Variants in ARMH4 observed in about 807,000 individuals in gnomAD.
ARMH4 encodes the protein armadillo like helical domain containing 4.
Under a neutral mutation model 61.9 loss-of-function variants are expected in ARMH4, and 49 were observed. That is an observed-to-expected ratio of 0.79 (90% CI 0.63 to 1.00). The LOEUF is 1.00. Ranked by LOEUF, ARMH4 falls within the 50% of genes least tolerant of loss-of-function variation. The pLI, the probability that ARMH4 is intolerant of heterozygous loss-of-function variation, is 0.00. For missense variants in ARMH4, 934 were observed against 930.0 expected (o/e 1.00, Z -0.06); for synonymous variants, 368 against 341.5 (o/e 1.08, Z -0.85).
chr14:58,105,764 G>A (rs1301273487), intron 4 of ARMH4, among the ~76,000 whole-genome samples: 1 of 151,412 alleles, frequency 6.6e-6, no homozygotes, highest in Non-Finnish European at 1.5e-5. Context: ...CATGTCCTAT[G>A]TCAATAACCA....
chr14:58,027,610 A>G (rs1419773728), intron 5 of ARMH4, among the ~76,000 whole-genome samples: 1 of 151,488 alleles, frequency 6.6e-6, no homozygotes, highest in African/African-American at 2.4e-5. Context: ...ACTAATTAAC[A>G]TATCTATTAA....
chr14:58,067,220 AG>A (rs1347930528), intron 5 of ARMH4, among the ~76,000 whole-genome samples: 1 of 152,210 alleles, frequency 6.6e-6, no homozygotes, highest in African/African-American at 2.4e-5. Flanking sequence ...AGAAACAGAG[AG>A]GGTTATTTGT....
At chr14:58,077,382 T>C (rs1885081890) in intron 5 of ARMH4, among the ~76,000 whole-genome samples, 1 of 152,200 alleles carries the variant, frequency 6.6e-6, no homozygotes, top group Non-Finnish European at 1.5e-5. Flanking sequence ...GACAGGAGGA[T>C]GGCTTGAGCC....
intron 5 of ARMH4, among the ~76,000 whole-genome samples, chr14:58,095,841 C>T (rs1885730263): frequency 6.6e-6 from 1 of 152,158 alleles, no homozygotes; most frequent in Non-Finnish European, 1.5e-5. Context: ...TGACTCTTAA[C>T]CCTAACATCT....
chr14:58,097,075 A>G, intron 4 of ARMH4, 94 bp from the exon 5 acceptor site: 1 of 1,349,544 alleles, frequency 7.4e-7, no homozygotes, highest in Non-Finnish European at 1.0e-6. Flanking sequence ...ACTACAAAAT[A>G]ATTGTTTGGC....
At position 58,015,892 on chromosome 14, in the gene ARMH4, AAATAAAATTTAAATTTAAATTT is replaced by A. The variant is rs372192442; in HGVS notation, c.2090-3764_2090-3743del. On this transcript the variant is annotated intron_variant, in intron 5 of 7. Coordinates refer to ENST00000267485, the MANE Select transcript of ARMH4 (RefSeq NM_001001872.4). ...GAGACTCCTGCCTCTACAAAAAATA[AAATAAAATTTAAATTTAAATTT>A]AATAAAATTTAAAGATGATTATTTA... is the stretch of plus-strand genomic sequence containing the variant. Among the ~76,000 whole-genome samples the A allele has an allele frequency of 1.0e-3, 155 of 150,910 alleles. 1 individual carries two copies. The highest frequency in any genetic ancestry group is 2.8e-3 in the African/African-American group (116 of 41,054).
At chr14:58,091,627 T>C (rs1300511127) in intron 5 of ARMH4, among the ~76,000 whole-genome samples, 1 of 152,242 alleles carries the variant, frequency 6.6e-6, no homozygotes, top group African/African-American at 2.4e-5. Flanking sequence ...TCTTTGGTCA[T>C]ACTGATTTTT....
intron 5 of ARMH4, among the ~76,000 whole-genome samples, chr14:58,094,539 A>C (rs183678058): frequency 7.8e-4 from 119 of 152,324 alleles, no homozygotes; most frequent in African/African-American, 2.6e-3. Flanking sequence ...AATACTAGTC[A>C]GCTATATATA....
chr14:58,134,813 T>G (rs1236690536), intron 2 of ARMH4, among the ~76,000 whole-genome samples: 2 of 151,798 alleles, frequency 1.3e-5, no homozygotes, highest in Admixed American at 1.3e-4. Context: ...CAAAATTAGC[T>G]GGGCATAGTG....
intron 1 of ARMH4, among the ~76,000 whole-genome samples, chr14:58,151,004 T>G (rs895718017): frequency 3.3e-5 from 5 of 152,186 alleles, no homozygotes; most frequent in Non-Finnish European, 7.3e-5. Context: ...GGCATGTGAA[T>G]TCTGACCACT....
In ARMH4 at chr14:58,139,343, C is replaced by T. The variant is rs1246467360; in HGVS notation, c.16G>A (p.Val6Ile). The change falls in exon 2 of 8, where the codon GTA becomes ATA. Residue 6 changes from valine to isoleucine, a missense_variant. By Grantham distance (29) the Val-to-Ile change is conservative. Coordinates refer to ENST00000267485, the MANE Select transcript of ARMH4 (RefSeq NM_001001872.4). MRGPI[V>I]LHICLAFCSL... is the part of the protein sequence containing the mutation. The stretch of plus-strand genomic sequence containing the variant: ...CAGAAAGCCAGACAAATGTGCAATA[C>T]AATCGGTCCTCTCATAGTGGAAGAG... 5 of 1,614,044 alleles carry T rather than the reference C, an allele frequency of 3.1e-6. No homozygotes were observed. Among genetic ancestry groups the T allele is most frequent in the Non-Finnish European group, 1.7e-6 (2 of 1,180,034 alleles).
chr14:58,147,604 C>A (rs1887778347), intron 1 of ARMH4, among the ~76,000 whole-genome samples: 1 of 152,160 alleles, frequency 6.6e-6, no homozygotes, highest in Non-Finnish European at 1.5e-5. Context: ...TGAGCCACCA[C>A]ACCCAGCTGG....
intron 4 of ARMH4, among the ~76,000 whole-genome samples, chr14:58,126,100 C>T (rs1374431297): frequency 6.6e-6 from 1 of 152,222 alleles, no homozygotes; most frequent in African/African-American, 2.4e-5. Flanking sequence ...TCCCCTCCCT[C>T]TGTATGGGAG....
chr14:58,131,817 C>A, intron 3 of ARMH4, 96 bp from the exon 4 acceptor site: 3 of 1,117,618 alleles, frequency 2.7e-6, no homozygotes, highest in Non-Finnish European at 3.9e-6. Context: ...ATGATTAAAC[C>A]AATATCATAC....
chr14:58,127,159 T>C (rs1886922279), intron 4 of ARMH4, among the ~76,000 whole-genome samples: 1 of 152,198 alleles, frequency 6.6e-6, no homozygotes, highest in African/African-American at 2.4e-5. Flanking sequence ...ATAAGGTCTA[T>C]AATAAGCGGG....
At chr14:58,091,369 C>G (rs1885559260) in intron 5 of ARMH4, among the ~76,000 whole-genome samples, 2 of 152,114 alleles carry the variant, frequency 1.3e-5, no homozygotes, top group Non-Finnish European at 2.9e-5. Context: ...AGTAGTAGAG[C>G]AAAATGGGAA....
intron 4 of ARMH4, 91 bp from the exon 5 acceptor site, chr14:58,097,072 A>G: frequency 7.3e-7 from 1 of 1,368,142 alleles, no homozygotes; most frequent in Admixed American, 1.8e-5. Flanking sequence ...AACACTACAA[A>G]ATAATTGTTT....
At chr14:58,110,451 C>T (rs1886319045) in intron 4 of ARMH4, among the ~76,000 whole-genome samples, 1 of 152,116 alleles carries the variant, frequency 6.6e-6, no homozygotes, top group African/African-American at 2.4e-5. Context: ...TGAACAAACT[C>T]ACTGAGGGAG....
At chr14:58,147,274 C>T (rs1468109964) in intron 1 of ARMH4, among the ~76,000 whole-genome samples, 2 of 150,656 alleles carry the variant, frequency 1.3e-5, no homozygotes, top group East Asian at 3.9e-4. Flanking sequence ...ATAACCTTGT[C>T]TAGGCTCTCT....
Sources: allele counts gnomAD v4.1 joint callset (sites outside exome capture counted in the v4.1 genomes callset), GRCh38; gene constraint gnomAD v4.1.1; transcripts MANE v1.5; gene names NCBI Gene and HGNC (gene_info 2026-07-23, HGNC 2026-07-21).